Variants in FANCC observed in about 807,000 individuals in gnomAD.
The protein encoded by FANCC is Fanconi anemia group C protein.
A neutral mutation model predicts 71.3 loss-of-function variants in FANCC; 55 were observed. The observed-to-expected ratio is 0.77, with a 90% CI of 0.62 to 0.97. The LOEUF (loss-of-function observed/expected upper bound fraction) is 0.97, where lower values mean the gene tolerates loss of function less well. FANCC is among the 50% of genes least tolerant of loss of function. The pLI is 0.00. For missense variants in FANCC, 678 were observed against 670.9 expected (o/e 1.01, Z -0.12); for synonymous variants, 275 against 244.9 (o/e 1.12, Z -1.15).
intron 3 of FANCC, among the ~76,000 whole-genome samples, chr9:95,243,408 C>T (rs1241020205): frequency 6.6e-6 from 1 of 152,130 alleles, no homozygotes; most frequent in African/African-American, 2.4e-5. Context: ...CCTTATTACC[C>T]TTTTCTGATC....
chr9:95,210,820 T>A (rs1828450833), intron 4 of FANCC, among the ~76,000 whole-genome samples: 1 of 152,126 alleles, frequency 6.6e-6, no homozygotes, highest in East Asian at 1.9e-4. Flanking sequence ...TGGCAATTAT[T>A]ACAGAATGGA....
Position 95,144,578 on chromosome 9 carries a change from C to A in FANCC, c.686+5345G>T, listed in dbSNP as rs891540395. Reference sequence around the variant, plus strand: ...TTTCACAGAAGACCAGGAGTATTCACTTCCAGATTCCCTTTAATTCAGCTC... The same window carrying A: ...TTTCACAGAAGACCAGGAGTATTCAATTCCAGATTCCCTTTAATTCAGCTC... On this transcript the variant is annotated intron_variant, in intron 7 of 14. Coordinates refer to ENST00000289081, the MANE Select transcript of FANCC (RefSeq NM_000136.3). Among the ~76,000 whole-genome samples the A allele has an allele frequency of 3.9e-5, 6 of 152,190 alleles. No homozygotes were observed. In the East Asian group the frequency reaches 1.2e-3, roughly 29 times the overall value.
In FANCC at chr9:95,249,188, C is replaced by T. The variant is rs143212932; in HGVS notation, c.104G>A (p.Cys35Tyr). The T allele has an allele frequency of 6.2e-7, 1 of 1,614,006 alleles. No homozygotes were observed. The highest frequency in any genetic ancestry group is 8.5e-7 in the Non-Finnish European group (1 of 1,180,010). ...CTCCTGGAACTGAGCCACGTGAAGA[C>T]AGGTGTCTTGCTGGGTTTCCAAAGT... is the stretch of plus-strand genomic sequence containing the variant. ...ASTLETQQDT[C>Y]LHVAQFQEFL... Residue 35 changes from cysteine to tyrosine, a missense_variant, in exon 2 of 15, where the codon TGT (cysteine) becomes TAT (tyrosine). Coordinates refer to ENST00000289081, the MANE Select transcript of FANCC (RefSeq NM_000136.3).
intron 4 of FANCC, among the ~76,000 whole-genome samples, chr9:95,179,356 T>A (rs1374447513): frequency 6.6e-6 from 1 of 152,236 alleles, no homozygotes; most frequent in African/African-American, 2.4e-5. Context: ...GTGATTCATA[T>A]GCACATTAAT....
intron 1 of FANCC, among the ~76,000 whole-genome samples, chr9:95,295,993 A>G (rs914897538): frequency 1.3e-5 from 2 of 152,192 alleles, no homozygotes; most frequent in Non-Finnish European, 2.9e-5. Context: ...TACACAAAAA[A>G]ATAATAACAA....
chr9:95,110,648 G>A (rs1017986831), intron 13 of FANCC: 3 of 1,046,390 alleles, frequency 2.9e-6, no homozygotes, highest in Non-Finnish European at 3.5e-6. Flanking sequence ...TTATTAGTCT[G>A]TGTGTTTTCA....
chr9:95,123,576 A>T, intron 10 of FANCC: 1 of 575,568 alleles, frequency 1.7e-6, no homozygotes, highest in Non-Finnish European at 3.4e-6. Flanking sequence ...GGCCACGTGC[A>T]GCCTATTTGC....
At chr9:95,110,238 G>GAAT in intron 13 of FANCC, 1 of 1,003,340 alleles carries the variant, frequency 1.0e-6, no homozygotes, top group Non-Finnish European at 1.2e-6. Flanking sequence ...AAGTGTTATT[G>GAAT]AATAATTTAT....
At chr9:95,193,236 A>C (rs1827220508) in intron 4 of FANCC, among the ~76,000 whole-genome samples, 1 of 152,216 alleles carries the variant, frequency 6.6e-6, no homozygotes, top group Non-Finnish European at 1.5e-5. Flanking sequence ...GCTACTCCAA[A>C]GACTAAGCAT....
intron 1 of FANCC, chr9:95,293,320 G>A: frequency 6.2e-7 from 1 of 1,610,844 alleles, no homozygotes; most frequent in Non-Finnish European, 8.5e-7. Flanking sequence ...CCCAGCCTGT[G>A]GTGTTAGGTG....
intron 1 of FANCC, among the ~76,000 whole-genome samples, chr9:95,275,528 A>G (rs548412209): frequency 8.3e-4 from 126 of 152,160 alleles, no homozygotes; most frequent in African/African-American, 2.8e-3. Context: ...ATGTTCATCA[A>G]TTTTAACAAA....
intron 4 of FANCC, among the ~76,000 whole-genome samples, chr9:95,202,921 T>C (rs1827889453): frequency 6.6e-6 from 1 of 152,210 alleles, no homozygotes; most frequent in South Asian, 2.1e-4. Flanking sequence ...ATATGAAAGA[T>C]GGTAATCTAC....
chr9:95,184,485 AG>A (rs1374525655), intron 4 of FANCC, among the ~76,000 whole-genome samples: 1 of 152,234 alleles, frequency 6.6e-6, no homozygotes, highest in East Asian at 1.9e-4. Flanking sequence ...TCCCCGGCAA[AG>A]CATTACATGA....
At position 95,249,248 on chromosome 9, in the gene FANCC, C is replaced by G. The variant is rs1831179714; in HGVS notation, c.44G>C (p.Trp15Ser). 1 of 1,613,994 alleles carries G rather than the reference C, an allele frequency of 6.2e-7. No homozygotes were observed. The highest frequency in any genetic ancestry group is 1.1e-5 in the South Asian group (1 of 91,086). The change falls in exon 2 of 15, where the codon TGG becomes TCG. Residue 15 changes from tryptophan (W) to serine (S), a missense_variant. Physicochemically the swap from Trp to Ser is radical, Grantham distance 177. Transcript: ENST00000289081. ...ATCCCATACAGAAAGCTTCTGCATC[C>G]AAAACTGATAATCACAAGAAAGATC... is the stretch of plus-strand genomic sequence containing the variant. ...SVDLSCDYQF[W>S]MQKLSVWDQA...
chr9:95,220,053 C>G (rs56160946), intron 4 of FANCC, among the ~76,000 whole-genome samples: 81 of 152,272 alleles, frequency 5.3e-4, no homozygotes, highest in Non-Finnish European at 1.0e-3. Flanking sequence ...AAAAAGTGGG[C>G]AAAGGATATG....
At chr9:95,314,864 G>A (rs1188168067) in intron 1 of FANCC, among the ~76,000 whole-genome samples, 1 of 151,990 alleles carries the variant, frequency 6.6e-6, no homozygotes, top group African/African-American at 2.4e-5. Context: ...ATGATGAGAT[G>A]GCAATTCTCC....
chr9:95,220,648 C>T (rs939358960), intron 4 of FANCC, among the ~76,000 whole-genome samples: 8 of 151,982 alleles, frequency 5.3e-5, no homozygotes, highest in Admixed American at 1.3e-4. Context: ...TGTTCTCACT[C>T]ATAGGTGGGA....
At chr9:95,216,046 T>A (rs1828844934) in intron 4 of FANCC, among the ~76,000 whole-genome samples, 1 of 152,188 alleles carries the variant, frequency 6.6e-6, no homozygotes, top group African/African-American at 2.4e-5. Flanking sequence ...AAATATTAGA[T>A]GAAAAAGCAG....
intron 8 of FANCC, chr9:95,126,951 A>C: frequency 7.2e-6 from 2 of 277,890 alleles, no homozygotes; most frequent in Non-Finnish European, 1.4e-5. Context: ...TGCCTGTGTG[A>C]CCTCCTCAAA....
Sources: gnomAD v4.1 joint callset for allele counts (sites outside exome capture counted in the v4.1 genomes callset) on GRCh38, gnomAD v4.1.1 for gene constraint, MANE v1.5 for transcripts, NCBI Gene and HGNC (gene_info 2026-07-23, HGNC 2026-07-21) for gene names.